The following NEBL variants were observed in gnomAD, a reference collection of about 807,000 sequenced individuals.
The protein encoded by NEBL is nebulette, also known as LIM and SH3 protein 2.
NEBL carries 122 observed loss-of-function variants against 140.2 expected under a neutral mutation model. The observed-to-expected ratio is 0.87, with a 90% CI of 0.75 to 1.01. NEBL has a LOEUF of 1.01. Ranked by LOEUF, NEBL falls within the 50% of genes least tolerant of loss-of-function variation. The pLI, the probability that NEBL is intolerant of heterozygous loss-of-function variation, is 0.00. For synonymous variants in NEBL, 436 were observed against 398.9 expected (o/e 1.09, Z -1.11); for missense variants, 1,365 against 1,231.3 (o/e 1.11, Z -1.62).
rs1837961430 is a variant in NEBL at position 20,809,878 on chromosome 10, C to T, written c.2539G>A (p.Asp847Asn). 6.2e-7 allele frequency: 1 copy of T among 1,605,792 alleles called. No homozygotes were observed. ...IIVDLKVWRT[D>N]PGSIFDLDPL... is the part of the protein sequence containing the mutation. Reference sequence around the variant, plus strand: ...TCAAGGTCGAAGATGGAGCCAGGATCTGTGCGCCAAACTTTGAGGTCTTTT... The same window carrying T: ...TCAAGGTCGAAGATGGAGCCAGGATTTGTGCGCCAAACTTTGAGGTCTTTT... The change falls in exon 25 of 28, where the codon GAT (aspartate) becomes AAT (asparagine). Residue 847 changes from aspartate to asparagine, a missense_variant. Physicochemically the swap from Asp to Asn is conservative, Grantham distance 23. This residue lies in a region of NEBL where 1,323 missense variants were observed against 1,154.8 expected (regional missense o/e 1.15). Transcript: ENST00000377122.
chr10:21,182,326 A>G (rs1002502100), intron 3 of NEBL, among the ~76,000 whole-genome samples: 1 of 151,988 alleles, frequency 6.6e-6, no homozygotes, highest in Non-Finnish European at 1.5e-5. Context: ...AATAATAATA[A>G]CTAACTAGGT....
At chr10:21,291,076 T>C (rs1249919397) in intron 1 of NEBL, among the ~76,000 whole-genome samples, 1 of 152,176 alleles carries the variant, frequency 6.6e-6, no homozygotes, top group Non-Finnish European at 1.5e-5. Context: ...GTTATTTCTG[T>C]CTTTAAGGGC....
intron 26 of NEBL, among the ~76,000 whole-genome samples, chr10:20,802,714 T>C (rs1354548899): frequency 1.3e-5 from 2 of 152,198 alleles, no homozygotes; most frequent in Admixed American, 6.5e-5. Flanking sequence ...AATGAGTTGA[T>C]TGTTCAACCC....
chr10:21,209,947 G>A (rs946354456), intron 3 of NEBL, among the ~76,000 whole-genome samples: 10 of 152,120 alleles, frequency 6.6e-5, no homozygotes, highest in Non-Finnish European at 1.3e-4. Context: ...AGACCAAAAA[G>A]AGGATACAGC....
At chr10:20,870,519 T>A (rs1443978918) in intron 5 of NEBL, among the ~76,000 whole-genome samples, 1 of 152,066 alleles carries the variant, frequency 6.6e-6, no homozygotes, top group Non-Finnish European at 1.5e-5. Context: ...CATCACAAAG[T>A]CTCAAGCCCC....
intron 1 of NEBL, among the ~76,000 whole-genome samples, chr10:21,280,204 A>ATGGGTTCCAGAACACATGGGCCG (rs1487357032): frequency 2.0e-5 from 3 of 152,138 alleles, no homozygotes; most frequent in African/African-American, 7.2e-5. Context: ...TGGAACCAGC[A>ATGGGTTCCAGAACACATGGGCCG]TGGGTTCCAG....
At chr10:21,081,231 A>T (rs1190474888) in intron 2 of NEBL, among the ~76,000 whole-genome samples, 3 of 152,094 alleles carry the variant, frequency 2.0e-5, no homozygotes, top group Non-Finnish European at 4.4e-5. Context: ...TGATGCAAAA[A>T]TTTTCCACTG....
At chr10:21,281,675 G>A (rs375387755) in intron 1 of NEBL, among the ~76,000 whole-genome samples, 2 of 151,830 alleles carry the variant, frequency 1.3e-5, no homozygotes, top group South Asian at 2.1e-4. Context: ...AACATATCAC[G>A]ATCACCTGGA....
chr10:21,015,566 A>T (rs1838522087), intron 3 of NEBL, among the ~76,000 whole-genome samples: 1 of 152,160 alleles, frequency 6.6e-6, no homozygotes, highest in Non-Finnish European at 1.5e-5. Flanking sequence ...GCTGGAGCAC[A>T]GTGGTGTGAT....
intron 3 of NEBL, among the ~76,000 whole-genome samples, chr10:20,982,322 C>G (rs1024926599): frequency 8.5e-5 from 13 of 152,196 alleles, no homozygotes; most frequent in African/African-American, 3.1e-4. Flanking sequence ...CATCAGTGCT[C>G]ACACAAATTT....
At chr10:20,907,794 C>T (rs766811224) in intron 4 of NEBL, among the ~76,000 whole-genome samples, 6 of 152,122 alleles carry the variant, frequency 3.9e-5, no homozygotes, top group Non-Finnish European at 8.8e-5. Flanking sequence ...ATTTCTGCTC[C>T]CAGCAAATTC....
chr10:21,137,577 T>TG (rs1300415034), intron 2 of NEBL, among the ~76,000 whole-genome samples: 6 of 152,286 alleles, frequency 3.9e-5, no homozygotes, highest in South Asian at 4.1e-4. Flanking sequence ...CTCAAGGTCT[T>TG]GGTCACTGAG....
chr10:21,070,893 G>C (rs1490888265), intron 2 of NEBL, among the ~76,000 whole-genome samples: 1 of 152,108 alleles, frequency 6.6e-6, no homozygotes, highest in Non-Finnish European at 1.5e-5. Flanking sequence ...AAATGATTTA[G>C]GCCAAGATGG....
intron 2 of NEBL, among the ~76,000 whole-genome samples, chr10:21,128,070 G>T (rs569293751): frequency 1.3e-5 from 2 of 152,140 alleles, no homozygotes; most frequent in South Asian, 4.1e-4. Context: ...GGAAGTTAAT[G>T]ACTCGGTTGG....
chr10:21,094,316 T>C (rs924295419), intron 2 of NEBL, among the ~76,000 whole-genome samples: 43 of 151,720 alleles, frequency 2.8e-4, no homozygotes, highest in Non-Finnish European at 6.2e-4. Flanking sequence ...TCCTGGCTAA[T>C]ACGGTGAAAC....
rs115611932 is a variant in NEBL, at chr10:20,893,044, C to A, written c.154-3095G>T. On this transcript the variant is annotated intron_variant, in intron 2 of 27. Transcript: ENST00000377122. ...GAAAGGATTTACCCACAACAACGTT[C>A]ATTTGCCTGGAAAATATTCTTCCTG... Among the ~76,000 whole-genome samples the A allele has an allele frequency of 2.1e-3, 322 of 152,304 alleles. 1 individual carries two copies. The highest frequency in any genetic ancestry group is 7.6e-3 in the African/African-American group (316 of 41,580).
intron 2 of NEBL, chr10:21,126,140 A>T: frequency 6.3e-7 from 1 of 1,594,080 alleles, no homozygotes; most frequent in Non-Finnish European, 8.6e-7. Context: ...GATAAAGTGC[A>T]GCTGTCCGTT....
intron 3 of NEBL, among the ~76,000 whole-genome samples, chr10:21,225,990 G>A (rs1842141436): frequency 6.6e-6 from 1 of 152,066 alleles, no homozygotes; most frequent in Non-Finnish European, 1.5e-5. Flanking sequence ...GGAATGTGCT[G>A]GGTCACACCT....
chr10:20,941,937 G>A (rs1834891947), intron 4 of NEBL, among the ~76,000 whole-genome samples: 1 of 151,796 alleles, frequency 6.6e-6, no homozygotes, highest in African/African-American at 2.4e-5. Flanking sequence ...TGAAATAAAA[G>A]AGGATACAAA....
Sources: allele counts gnomAD v4.1 joint callset (sites outside exome capture counted in the v4.1 genomes callset), GRCh38; gene constraint gnomAD v4.1.1; regional missense constraint gnomAD v4.1.1; transcripts MANE v1.5; gene names NCBI Gene and HGNC (gene_info 2026-07-23, HGNC 2026-07-21).